The following GPM6B variants were observed in gnomAD, a reference collection of about 807,000 sequenced individuals.
The protein encoded by GPM6B is neuronal membrane glycoprotein M6-b.
Under a neutral mutation model 27.2 loss-of-function variants are expected in GPM6B, and 4 were observed. The ratio of observed to expected loss-of-function variants is 0.15; its 90% CI spans 0.07 to 0.34. The LOEUF (loss-of-function observed/expected upper bound fraction) is 0.34, where lower values mean the gene tolerates loss of function less well. Ranked by LOEUF, GPM6B falls within the 10% of genes least tolerant of loss-of-function variation. GPM6B has a pLI of 1.00. For missense variants in GPM6B, 183 were observed against 261.9 expected (o/e 0.70, Z 2.08); for synonymous variants, 124 against 103.1 (o/e 1.20, Z -1.23).
chrX:13,908,021 G>A (rs1162453575), intron 1 of GPM6B, among the ~76,000 whole-genome samples: 1 of 112,046 alleles, frequency 8.9e-6, no homozygotes, highest in African/African-American at 3.2e-5. Context: ...CACTTAATGT[G>A]TTGGCATAAT....
At position 13,779,865 on chromosome X, in the gene GPM6B, T is replaced by C; in HGVS notation, c.650A>G (p.Asn217Ser). ...GATCTGCTCCACACCCGTGGTCCCG[T>C]TGGTCTGCGGTGACTTGATGACTTC... The part of the protein sequence containing the change: ...TCEVIKSPQT[N>S]GTTGVEQICV... The change falls in exon 5 of 8, where the codon AAC becomes AGC. Residue 217 changes from asparagine (N) to serine (S), a missense_variant. Transcript: ENST00000316715. 8.4e-7 allele frequency: 1 copy of C among 1,195,748 alleles called. No homozygotes were observed. The highest frequency in any genetic ancestry group is 1.1e-6 in the Non-Finnish European group (1 of 883,588).
chrX:13,824,911 T>C (rs974654134), intron 1 of GPM6B, among the ~76,000 whole-genome samples: 2 of 112,036 alleles, frequency 1.8e-5, no homozygotes, highest in Admixed American at 9.4e-5. Flanking sequence ...GGCCGTGTTT[T>C]CCATGTTTTC....
chrX:13,915,278 TAAA>T (rs57417145), intron 1 of GPM6B, among the ~76,000 whole-genome samples: 6,577 of 80,424 alleles, frequency 0.082, 519 homozygotes, highest in East Asian at 0.23. Context: ...AAAAAATGTG[TAAA>T]AAAAAAAAAA....
At chrX:13,892,554 C>A (rs1436554992) in intron 1 of GPM6B, among the ~76,000 whole-genome samples, 3 of 111,803 alleles carry the variant, frequency 2.7e-5, no homozygotes, top group African/African-American at 9.8e-5. Flanking sequence ...CTTCTTCAGA[C>A]AAAATCTGTT....
chrX:13,815,371 A>G (rs996982295), intron 1 of GPM6B, among the ~76,000 whole-genome samples: 1 of 111,571 alleles, frequency 9.0e-6, no homozygotes, highest in Non-Finnish European at 1.9e-5. Context: ...GTCTCTAGTC[A>G]TCATGGAAAA....
intron 1 of GPM6B, chrX:13,813,051 T>C (rs201145996): frequency 5.4e-5 from 6 of 111,860 alleles, no homozygotes; most frequent in East Asian, 5.6e-4. Flanking sequence ...TTCTTACAGA[T>C]AATAACTGCA....
At chrX:13,914,516 G>A (rs759579859) in intron 1 of GPM6B, among the ~76,000 whole-genome samples, 14 of 112,659 alleles carry the variant, frequency 1.2e-4, no homozygotes, top group African/African-American at 4.2e-4. Flanking sequence ...AGGAACTGCA[G>A]CAGCTGTCTT....
intron 2 of GPM6B, among the ~76,000 whole-genome samples, chrX:13,793,808 G>A (rs902088066): frequency 6.3e-5 from 7 of 110,740 alleles, no homozygotes; most frequent in African/African-American, 2.3e-4. Flanking sequence ...AAGCTCCCCC[G>A]GTAACTTCAA....
At chrX:13,936,178 A>T (rs1921828493) in intron 1 of GPM6B, among the ~76,000 whole-genome samples, 1 of 112,162 alleles carries the variant, frequency 8.9e-6, no homozygotes, top group Non-Finnish European at 1.9e-5. Context: ...TAAACGTGTG[A>T]ATTGTATGAT....
chrX:13,905,296 A>C (rs1369489776), intron 1 of GPM6B, among the ~76,000 whole-genome samples: 2 of 110,579 alleles, frequency 1.8e-5, no homozygotes, highest in African/African-American at 6.6e-5. Flanking sequence ...AAAAAATCCA[A>C]TTATTTGATG....
chrX:13,929,001 T>C (rs749589195), intron 1 of GPM6B, among the ~76,000 whole-genome samples: 1 of 111,930 alleles, frequency 8.9e-6, no homozygotes, highest in Middle Eastern at 4.2e-3. Context: ...TTCCAACTCC[T>C]GCATCTCTCA....
rs192178537 is a variant in GPM6B at position 13,807,722 on chromosome X, G to T, written c.109C>A (p.Pro37Thr). ...TGGTACTGGTGGTTCTTTGAGCCTG[G>T]GTACATCCAGTGGTACCTGCCAATT... Reference protein sequence around the residue: ...MEIGRYHWMYPGSKNHQYHPV... With the variant: ...MEIGRYHWMYTGSKNHQYHPV... Residue 37 changes from proline to threonine, a missense_variant, in exon 2 of 8, where the codon CCA (proline) becomes ACA (threonine). Pro to Thr is a conservative substitution (Grantham distance 38, BLOSUM62 -1). Transcript: ENST00000316715. 1 of 1,203,921 alleles carries T rather than the reference G, an allele frequency of 8.3e-7. No individual in the cohort carries two copies. The highest frequency in any genetic ancestry group is 3.0e-5 in the East Asian group (1 of 33,718).
chrX:13,794,188 T>C (rs1463573027), intron 2 of GPM6B, among the ~76,000 whole-genome samples: 44 of 101,852 alleles, frequency 4.3e-4, no homozygotes, highest in African/African-American at 1.3e-3. Context: ...CTCTCTCTCT[T>C]TTTTTTTTTT....
intron 1 of GPM6B, among the ~76,000 whole-genome samples, chrX:13,851,189 G>A (rs1266165747): frequency 2.0e-5 from 2 of 98,199 alleles, no homozygotes; most frequent in Non-Finnish European, 4.2e-5. Flanking sequence ...AAAAAAGTTA[G>A]TTAATCTGAA....
chrX:13,799,346 G>C (rs2048876659), intron 2 of GPM6B, among the ~76,000 whole-genome samples: 1 of 104,306 alleles, frequency 9.6e-6, no homozygotes, highest in African/African-American at 3.5e-5. Context: ...CCAAGTAGCT[G>C]GGACTACAGG....
intron 1 of GPM6B, among the ~76,000 whole-genome samples, chrX:13,863,353 A>T (rs17300751): frequency 0.22 from 24,148 of 110,866 alleles, 2,036 homozygotes; most frequent in East Asian, 0.31. Context: ...CATTTCAGTC[A>T]CTTGGGTCAG....
chrX:13,816,815 A>G (rs2049243467), intron 1 of GPM6B, 29 bp downstream of exon 1: 1 of 1,206,526 alleles, frequency 8.3e-7, no homozygotes, highest in Non-Finnish European at 1.1e-6. Context: ...GAAAAGCTTT[A>G]AACAGGCTAT....
At chrX:13,931,324 T>TA (rs1435879553) in intron 1 of GPM6B, among the ~76,000 whole-genome samples, 1 of 109,919 alleles carries the variant, frequency 9.1e-6, no homozygotes, top group Non-Finnish European at 1.9e-5. Flanking sequence ...CCATCTCTAC[T>TA]AAAAATACAA....
chrX:13,816,783 C>T (rs1424826618), intron 1 of GPM6B, 61 bp downstream of exon 1: 2 of 1,155,707 alleles, frequency 1.7e-6, no homozygotes, highest in Non-Finnish European at 2.4e-6. Context: ...ACCCAGCTAA[C>T]CCTTTTTAAG....
Sources: allele counts gnomAD v4.1 joint callset (sites outside exome capture counted in the v4.1 genomes callset), GRCh38; gene constraint gnomAD v4.1.1; transcripts MANE v1.5; gene names NCBI Gene and HGNC (gene_info 2026-07-23, HGNC 2026-07-21).